The following MTMR6 variants were observed in gnomAD, a reference collection of about 807,000 sequenced individuals.
The protein encoded by MTMR6 is phosphatidylinositol-3,5-bisphosphate 3-phosphatase MTMR6.
In MTMR6, 47 loss-of-function variants were observed where a neutral mutation model predicts 80.1. The observed-to-expected ratio is 0.59, with a 90% CI of 0.46 to 0.75. The LOEUF is 0.75. Ranked by LOEUF, MTMR6 falls within the 30% of genes least tolerant of loss-of-function variation. The probability of loss-of-function intolerance (pLI) is 0.00; values close to 1 mark genes in which losing one functional copy is unlikely to be tolerated. For synonymous variants in MTMR6, 254 were observed against 253.0 expected (o/e 1.00, Z -0.04); for missense variants, 629 against 730.9 (o/e 0.86, Z 1.61).
intron 1 of MTMR6, among the ~76,000 whole-genome samples, chr13:25,283,490 T>C (rs1451579775): frequency 6.6e-6 from 1 of 152,250 alleles, no homozygotes; most frequent in Non-Finnish European, 1.5e-5. Flanking sequence ...TTCTTATTTT[T>C]ATATCTCCTT....
chr13:25,286,861 G>A (rs1435781318), intron 1 of MTMR6, among the ~76,000 whole-genome samples: 1 of 152,170 alleles, frequency 6.6e-6, no homozygotes, highest in African/African-American at 2.4e-5. Flanking sequence ...ATTTGAAGAC[G>A]GTTTTCCGGT....
At chr13:25,282,642 T>G (rs1957880143) in intron 1 of MTMR6, among the ~76,000 whole-genome samples, 1 of 150,866 alleles carries the variant, frequency 6.6e-6, no homozygotes. Flanking sequence ...AGTGCTGCTC[T>G]GTGACCCAGG....
chr13:25,260,765 ACTG>A, intron 6 of MTMR6: 1 of 638,416 alleles, frequency 1.6e-6, no homozygotes, highest in East Asian at 8.5e-5. Context: ...TCCTATATGA[ACTG>A]GTTGTTTAAC....
chr13:25,271,684 C>G (rs764865098), intron 2 of MTMR6, among the ~76,000 whole-genome samples: 1 of 152,142 alleles, frequency 6.6e-6, no homozygotes, highest in Non-Finnish European at 1.5e-5. Context: ...ACTTATCTAC[C>G]TACTTATTGG....
intron 2 of MTMR6, among the ~76,000 whole-genome samples, chr13:25,272,916 G>A (rs1416349323): frequency 1.3e-5 from 2 of 151,886 alleles, no homozygotes; most frequent in African/African-American, 2.4e-5. Flanking sequence ...GTGTCTTTTT[G>A]GTTGATTTAT....
chr13:25,286,870 G>A (rs575459853), intron 1 of MTMR6, among the ~76,000 whole-genome samples: 30 of 152,332 alleles, frequency 2.0e-4, no homozygotes, highest in African/African-American at 7.2e-4. Context: ...CGGTTTTCCG[G>A]TTGATGAGGC....
rs886078185 is a variant in MTMR6, at chr13:25,273,464, C to T, written c.141+607G>A. Among the ~76,000 whole-genome samples, 11 of 151,526 alleles carry T rather than the reference C, an allele frequency of 7.3e-5. No homozygotes were observed. The South Asian group carries it at 1.5e-3, about 20-fold the overall frequency. On this transcript the variant is annotated intron_variant, in intron 2 of 13. Coordinates refer to ENST00000381801, the MANE Select transcript of MTMR6 (RefSeq NM_004685.5). ...ACACTGTGGAATATACCAAACAATC[C>T]GTTTGATCTGTTAATGTGTACATAT...
intron 2 of MTMR6, among the ~76,000 whole-genome samples, chr13:25,272,919 T>C (rs1160876580): frequency 6.6e-6 from 1 of 152,196 alleles, no homozygotes. Context: ...TCTTTTTGGT[T>C]GATTTATTTT....
Position 25,249,383 on chromosome 13 carries a change from T to C in MTMR6, c.1715A>G (p.Glu572Gly). 1 of 1,614,142 alleles carries C rather than the reference T, an allele frequency of 6.2e-7. No individual in the cohort carries two copies. Among genetic ancestry groups the C allele is most frequent in the South Asian group, 1.1e-5 (1 of 91,084 alleles). Residue 572 changes from glutamate (E) to glycine (G), a missense_variant, in exon 14 of 14, where the codon GAG (glutamate) becomes GGG (glycine). By Grantham distance (98) the Glu-to-Gly change is moderately conservative. Transcript: ENST00000381801. ...ATCATTTACGGGTAGCAGAGTCTGC[T>C]CTTTAAAACACAGGGAAGTTTTGAG... Reference protein sequence around the residue: ...PNLKTSLCFKEQTLLPVNDAL... With the variant: ...PNLKTSLCFKGQTLLPVNDAL...
chr13:25,266,600 T>G (rs1436055778), intron 3 of MTMR6, among the ~76,000 whole-genome samples: 3 of 152,102 alleles, frequency 2.0e-5, no homozygotes. Flanking sequence ...AATAGACATT[T>G]CCTACTAATC....
At chr13:25,255,214 C>G (rs866206719) in intron 9 of MTMR6, among the ~76,000 whole-genome samples, 1 of 152,252 alleles carries the variant, frequency 6.6e-6, no homozygotes, top group African/African-American at 2.4e-5. Flanking sequence ...GAAGGCTATA[C>G]ACTGATGTGG....
intron 6 of MTMR6, among the ~76,000 whole-genome samples, chr13:25,259,880 ATTAT>A (rs1164656960): frequency 2.0e-5 from 3 of 151,986 alleles, no homozygotes; most frequent in Non-Finnish European, 4.4e-5. Context: ...TTTTTAAATA[ATTAT>A]TAATTTTTTT....
chr13:25,278,259 C>T (rs570795936), intron 1 of MTMR6, among the ~76,000 whole-genome samples: 1 of 152,280 alleles, frequency 6.6e-6, no homozygotes, highest in East Asian at 1.9e-4. Flanking sequence ...CTATTTCTCC[C>T]ACATTTTAAA....
rs769732373 is a variant in MTMR6 at position 25,249,212 on chromosome 13, G to C, written c.*20C>G. The C allele has an allele frequency of 1.9e-6, 3 of 1,605,060 alleles. No homozygotes were observed. Among genetic ancestry groups the C allele is most frequent in the Non-Finnish European group, 2.6e-6 (3 of 1,173,786 alleles). ...ATCCTTTTCTTGTACTGCAATCATT[G>C]CAGAAAAAACTCTATGAGTCTAACA... is the stretch of plus-strand genomic sequence containing the variant. On this transcript the variant is annotated 3_prime_UTR_variant, in exon 14 of 14. Transcript: ENST00000381801.
At chr13:25,273,459 C>T (rs73464633) in intron 2 of MTMR6, among the ~76,000 whole-genome samples, 2,810 of 151,286 alleles carry the variant, frequency 0.019, 102 homozygotes, top group African/African-American at 0.065. Context: ...ATATACCAAA[C>T]AATCCGTTTG....
chr13:25,279,470 T>C (rs1233325496), intron 1 of MTMR6, among the ~76,000 whole-genome samples: 1 of 152,214 alleles, frequency 6.6e-6, no homozygotes, highest in Non-Finnish European at 1.5e-5. Context: ...TTGTTCTTTA[T>C]AGCAGTGTGA....
In MTMR6 at chr13:25,248,862, A is replaced by G. The variant is rs1454169091; in HGVS notation, c.*370T>C. The G allele has an allele frequency of 5.9e-6, 1 of 168,142 alleles. No individual in the cohort carries two copies. Among genetic ancestry groups the G allele is most frequent in the Non-Finnish European group, 1.3e-5 (1 of 78,610 alleles). The allele number at this position is 168,142 out of a possible 1,614,324, so 10.4% of individuals were successfully genotyped here. ...ATTGAAAGTACATGCCATATCATTT[A>G]TTAAGAAACTATGTTGTCAAATTTT... is the stretch of plus-strand genomic sequence containing the variant. On this transcript the variant is annotated 3_prime_UTR_variant, in exon 14 of 14. Coordinates refer to ENST00000381801, the MANE Select transcript of MTMR6 (RefSeq NM_004685.5).
intron 2 of MTMR6, among the ~76,000 whole-genome samples, chr13:25,268,504 G>A (rs1957503003): frequency 6.6e-6 from 1 of 152,168 alleles, no homozygotes. Flanking sequence ...CTGGAATACT[G>A]TTAACACTAC....
intron 6 of MTMR6, 26 bp from the exon 7 acceptor site, chr13:25,258,718 A>C: frequency 6.6e-7 from 1 of 1,503,888 alleles, no homozygotes; most frequent in Non-Finnish European, 8.8e-7. Context: ...TTAGAAATTT[A>C]GAGACAAATT....
Sources: gnomAD v4.1 joint callset for allele counts (sites outside exome capture counted in the v4.1 genomes callset) on GRCh38, gnomAD v4.1.1 for gene constraint, MANE v1.5 for transcripts, NCBI Gene and HGNC (gene_info 2026-07-23, HGNC 2026-07-21) for gene names.